The following HPSE2 variants were observed in gnomAD, a reference collection of about 807,000 sequenced individuals.
The protein encoded by HPSE2 is inactive heparanase-2.
HPSE2 carries 38 observed loss-of-function variants against 60.5 expected under a neutral mutation model. That is an observed-to-expected ratio of 0.63 (90% confidence interval 0.48 to 0.82). HPSE2 has a LOEUF of 0.82. Ranked by LOEUF, HPSE2 falls within the 40% of genes least tolerant of loss-of-function variation. The probability of loss-of-function intolerance (pLI) is 0.00; values close to 1 mark genes in which losing one functional copy is unlikely to be tolerated. For missense variants in HPSE2, 713 were observed against 740.4 expected (o/e 0.96, Z 0.43); for synonymous variants, 295 against 293.2 (o/e 1.01, Z -0.06).
chr10:98,709,477 C>T (rs756178170), intron 5 of HPSE2, among the ~76,000 whole-genome samples: 2 of 152,116 alleles, frequency 1.3e-5, no homozygotes, highest in African/African-American at 4.8e-5. Flanking sequence ...GGACTATGAT[C>T]TCAGAGGACA....
At chr10:99,114,161 C>T (rs186601232) in intron 3 of HPSE2, among the ~76,000 whole-genome samples, 1 of 152,326 alleles carries the variant, frequency 6.6e-6, no homozygotes, top group East Asian at 1.9e-4. Flanking sequence ...AGCAAAACTT[C>T]CCCACCCAGG....
chr10:99,160,661 A>T, intron 2 of HPSE2, among the ~76,000 whole-genome samples: 1 of 152,088 alleles, frequency 6.6e-6, no homozygotes, highest in African/African-American at 2.4e-5. Flanking sequence ...GCACTTTGGG[A>T]GGCCGAGGCG....
At chr10:99,085,247 C>T (rs1182352174) in intron 3 of HPSE2, among the ~76,000 whole-genome samples, 1 of 152,178 alleles carries the variant, frequency 6.6e-6, no homozygotes, top group Non-Finnish European at 1.5e-5. Context: ...GAACCTAGAA[C>T]TTGTTTAGAC....
At chr10:99,070,969 G>A (rs183605030) in intron 3 of HPSE2, among the ~76,000 whole-genome samples, 3 of 152,160 alleles carry the variant, frequency 2.0e-5, no homozygotes, top group African/African-American at 4.8e-5. Context: ...TGCAACAAAC[G>A]TGGGAGTGAA....
At chr10:99,140,728 T>C (rs1845836165) in intron 3 of HPSE2, among the ~76,000 whole-genome samples, 1 of 152,148 alleles carries the variant, frequency 6.6e-6, no homozygotes, top group Admixed American at 6.5e-5. Flanking sequence ...TTAATACACG[T>C]CAATATTATA....
intron 11 of HPSE2, among the ~76,000 whole-genome samples, chr10:98,460,503 C>T (rs1308525394): frequency 6.6e-6 from 1 of 152,048 alleles, no homozygotes; most frequent in Non-Finnish European, 1.5e-5. Flanking sequence ...ATGGTGGCTA[C>T]TCAGGAGTTT....
chr10:98,737,924 C>T (rs1160339300), intron 4 of HPSE2, among the ~76,000 whole-genome samples: 1 of 152,140 alleles, frequency 6.6e-6, no homozygotes, highest in Non-Finnish European at 1.5e-5. Flanking sequence ...ACATTCAATG[C>T]TATGCTCATC....
chr10:98,590,614 T>C (rs1052928006), intron 9 of HPSE2, among the ~76,000 whole-genome samples: 1 of 152,238 alleles, frequency 6.6e-6, no homozygotes, highest in Admixed American at 6.5e-5. Context: ...CACATAAGCA[T>C]TTCTCCAGTA....
intron 9 of HPSE2, among the ~76,000 whole-genome samples, chr10:98,508,299 G>T (rs1193233868): frequency 6.6e-6 from 1 of 152,190 alleles, no homozygotes; most frequent in African/African-American, 2.4e-5. Context: ...CTGTCTGAAA[G>T]CTAGACAAAG....
intron 3 of HPSE2, among the ~76,000 whole-genome samples, chr10:98,907,525 A>G (rs1053203194): frequency 3.9e-5 from 6 of 152,192 alleles, no homozygotes; most frequent in African/African-American, 4.8e-5. Context: ...CAGCTTAACA[A>G]TAGTCACTGT....
rs888083653 is a variant in HPSE2, at chr10:99,015,937, A to G, written c.610+128301T>C. Among the ~76,000 whole-genome samples, 6 of 152,214 alleles carry G rather than the reference A, an allele frequency of 3.9e-5. 1 individual carries two copies. Among genetic ancestry groups the G allele is most frequent in the South Asian group, 4.1e-4 (2 of 4,828 alleles). ...CTTAAGTTCCTTGTAGATGCTGGATAGTTGACCTTTGTTGGATGCATAGTT... is the reference window on the plus strand; with the variant it reads ...CTTAAGTTCCTTGTAGATGCTGGATGGTTGACCTTTGTTGGATGCATAGTT... On this transcript the variant is annotated intron_variant, in intron 3 of 11. Transcript: ENST00000370552.
rs1219214383 is a variant in HPSE2 at position 98,934,571 on chromosome 10, A to T, written c.611-190515T>A. Among the ~76,000 whole-genome samples the T allele has an allele frequency of 1.4e-5, 2 of 143,882 alleles. 1 individual carries two copies. The highest frequency in any genetic ancestry group is 5.6e-5 in the African/African-American group (2 of 35,412). 94.4% of individuals were successfully genotyped at this position (143,882 alleles called of 152,430 possible). A position where few individuals can be genotyped will look rare whatever the true frequency, so the allele number is the denominator to read the frequency against. On this transcript the variant is annotated intron_variant, in intron 3 of 11. Transcript: ENST00000370552. Reference sequence around the variant, plus strand: ...GGCCAGATATGAAATTCTGGGTTGGAATTTCTCTTTTTTAACAATGTTGAA... The same window carrying T: ...GGCCAGATATGAAATTCTGGGTTGGTATTTCTCTTTTTTAACAATGTTGAA...
the HPSE2 span, among the ~76,000 whole-genome samples, chr10:99,305,979 G>GCGCACGCACACACA: frequency 8.1e-4 from 65 of 80,588 alleles, no homozygotes; most frequent in African/African-American, 1.9e-3. Context: ...GCGCGCGCGC[G>GCGCACGCACACACA]CACACACACA....
At chr10:98,525,781 G>A (rs1298173812) in intron 9 of HPSE2, among the ~76,000 whole-genome samples, 1 of 152,188 alleles carries the variant, frequency 6.6e-6, no homozygotes, top group African/African-American at 2.4e-5. Flanking sequence ...CTGGCAGAAA[G>A]ACTCTTCAAT....
At chr10:98,640,816 C>T (rs1946618970) in intron 7 of HPSE2, among the ~76,000 whole-genome samples, 1 of 152,300 alleles carries the variant, frequency 6.6e-6, no homozygotes, top group Non-Finnish European at 1.5e-5. Context: ...TTAGAATTAA[C>T]TAATCCAGTA....
chr10:99,074,216 A>G (rs1047313475), intron 3 of HPSE2, among the ~76,000 whole-genome samples: 8 of 152,114 alleles, frequency 5.3e-5, no homozygotes, highest in Non-Finnish European at 8.8e-5. Flanking sequence ...CATTATGTTG[A>G]GGTAATGTCC....
chr10:99,216,789 CTG>C (rs764815391), intron 2 of HPSE2, among the ~76,000 whole-genome samples: 56 of 152,270 alleles, frequency 3.7e-4, no homozygotes, highest in Non-Finnish European at 5.4e-4. Flanking sequence ...GAACATGTAA[CTG>C]TGAAAATTCC....
intron 2 of HPSE2, among the ~76,000 whole-genome samples, chr10:99,202,515 C>T (rs1477289513): frequency 6.6e-6 from 1 of 152,172 alleles, no homozygotes; most frequent in Non-Finnish European, 1.5e-5. Flanking sequence ...TTAACCCCTG[C>T]TGAACTTCAG....
At chr10:98,669,188 CAT>C (rs898595717) in intron 6 of HPSE2, among the ~76,000 whole-genome samples, 8 of 152,154 alleles carry the variant, frequency 5.3e-5, no homozygotes, top group African/African-American at 1.9e-4. Context: ...AATAAGATGC[CAT>C]CTCATATCAG....
Sources: gnomAD v4.1 joint callset for allele counts (sites outside exome capture counted in the v4.1 genomes callset) on GRCh38, gnomAD v4.1.1 for gene constraint, MANE v1.5 for transcripts, NCBI Gene and HGNC (gene_info 2026-07-23, HGNC 2026-07-21) for gene names.